The following PPFIA1 variants were observed in gnomAD, a reference collection of about 807,000 sequenced individuals.
PPFIA1 encodes the protein PPFI scaffold protein A1, also known as liprin-alpha-1.
PPFIA1 carries 25 observed loss-of-function variants against 149.9 expected under a neutral mutation model. The ratio of observed to expected loss-of-function variants is 0.17; its 90% CI spans 0.12 to 0.23. PPFIA1 has a LOEUF of 0.23. Among genes scored for constraint, PPFIA1 ranks in the 10% least tolerant of loss-of-function variants. The probability of loss-of-function intolerance (pLI) is 1.00; values close to 1 mark genes in which losing one functional copy is unlikely to be tolerated. For synonymous variants in PPFIA1, 549 were observed against 552.8 expected, an observed-to-expected ratio of 0.99 and a Z score of 0.10; for missense variants, 1,362 against 1,506.5, an observed-to-expected ratio of 0.90 and a Z score of 1.59.
intron 15 of PPFIA1, among the ~76,000 whole-genome samples, chr11:70,345,559 G>T (rs1363173143): frequency 6.6e-6 from 1 of 152,114 alleles, no homozygotes; most frequent in Non-Finnish European, 1.5e-5. Flanking sequence ...GATGGAGTCT[G>T]TTTGTTGAGA....
intron 16 of PPFIA1, among the ~76,000 whole-genome samples, chr11:70,353,983 CAG>C (rs2056216193): frequency 6.6e-6 from 1 of 152,210 alleles, no homozygotes; most frequent in African/African-American, 2.4e-5. Context: ...GCTGCCCCTT[CAG>C]AGACTGTCCT....
chr11:70,366,212 T>G (rs1165614450), intron 21 of PPFIA1, among the ~76,000 whole-genome samples: 5 of 152,198 alleles, frequency 3.3e-5, no homozygotes, highest in Non-Finnish European at 5.9e-5. Context: ...TAATATAGAT[T>G]GCTTTGTTTA....
At chr11:70,273,555 G>A (rs897310268) in intron 2 of PPFIA1, among the ~76,000 whole-genome samples, 1 of 152,180 alleles carries the variant, frequency 6.6e-6, no homozygotes, top group African/African-American at 2.4e-5. Flanking sequence ...CTCGCATGAT[G>A]GGTCTGCAGT....
At chr11:70,332,439 G>T (rs372025596) in intron 9 of PPFIA1, among the ~76,000 whole-genome samples, 1 of 151,970 alleles carries the variant, frequency 6.6e-6, no homozygotes, top group Non-Finnish European at 1.5e-5. Flanking sequence ...GGAAGATGCC[G>T]TTCTTTTAAA....
At chr11:70,333,218 T>A in intron 9 of PPFIA1, 1 of 567,582 alleles carries the variant, frequency 1.8e-6, no homozygotes, top group East Asian at 3.6e-5. Context: ...GCATAGGGGT[T>A]GGGGGGAAAA....
rs556940214 is a variant in PPFIA1 at position 70,333,271 on chromosome 11, A to G, written c.1213-199A>G. On this transcript the variant is annotated intron_variant, in intron 9 of 27. Transcript: ENST00000253925. ...GCAGCAGCCATGCTTCAGAATCACC[A>G]ACACAAGAGGGCTAGCCACCTCATG... 5.3e-5 allele frequency among the ~76,000 whole-genome samples: 8 copies of G among 152,274 alleles called. No homozygotes were observed. The South Asian group carries it at 1.0e-3, about 20-fold the overall frequency.
chr11:70,372,337 C>A lies in PPFIA1; in HGVS notation c.2988C>A (p.His996Gln). Residue 996 changes from histidine (H) to glutamine (Q), a missense_variant, in exon 22 of 28, where the codon CAC becomes CAA. Physicochemically the swap from His to Gln is conservative, Grantham distance 24. Around this residue, in one of 7 missense-constraint regions of PPFIA1, gnomAD observed 349 missense variants for 373.3 expected, o/e 0.93. Transcript: ENST00000253925. ...ECLVDARMLDHLTKKDLRGQL... is the reference protein window; with the variant it reads ...ECLVDARMLDQLTKKDLRGQL... ...TTGTAGACGCCAGGATGCTGGACCA[C>A]TTGACCAAGAAAGACCTTCGAGGGC... 1 of 1,614,214 alleles carries A rather than the reference C, an allele frequency of 6.2e-7. No homozygotes were observed. The highest frequency in any genetic ancestry group is 8.5e-7 in the Non-Finnish European group (1 of 1,180,046).
chr11:70,353,707 T>C (rs2056199242), intron 16 of PPFIA1, among the ~76,000 whole-genome samples: 1 of 152,204 alleles, frequency 6.6e-6, no homozygotes, highest in South Asian at 2.1e-4. Context: ...ATAAAAGTGC[T>C]TGAATTTATA....
intron 2 of PPFIA1, among the ~76,000 whole-genome samples, chr11:70,284,641 T>C (rs1407085316): frequency 6.6e-6 from 1 of 152,132 alleles, no homozygotes; most frequent in Admixed American, 6.5e-5. Flanking sequence ...CCAGGCACAC[T>C]GTGGTCCAGA....
intron 2 of PPFIA1, among the ~76,000 whole-genome samples, chr11:70,315,150 G>A (rs1233445933): frequency 1.3e-5 from 2 of 152,160 alleles, no homozygotes; most frequent in African/African-American, 4.8e-5. Flanking sequence ...CTTCACAGCC[G>A]TATCAGATAT....
intron 2 of PPFIA1, among the ~76,000 whole-genome samples, chr11:70,303,817 C>A (rs903160314): frequency 6.6e-6 from 1 of 152,102 alleles, no homozygotes; most frequent in Non-Finnish European, 1.5e-5. Context: ...AGCAGCCTGG[C>A]CAACATGGTG....
intron 2 of PPFIA1, among the ~76,000 whole-genome samples, chr11:70,293,555 G>A (rs1455304335): frequency 2.6e-5 from 4 of 152,226 alleles, no homozygotes; most frequent in Admixed American, 1.3e-4. Context: ...CCTTTGGCAC[G>A]TGGTAGCTGC....
chr11:70,359,064 G>A (rs1422225356), intron 19 of PPFIA1, among the ~76,000 whole-genome samples: 1 of 152,228 alleles, frequency 6.6e-6, no homozygotes, highest in Non-Finnish European at 1.5e-5. Flanking sequence ...TCTATGCTGA[G>A]CTTCCTGAGA....
chr11:70,272,106 A>G, intron 1 of PPFIA1, 67 bp from the exon 2 acceptor site: 1 of 1,509,586 alleles, frequency 6.6e-7, no homozygotes, highest in Non-Finnish European at 9.0e-7. Flanking sequence ...GATACCTGTA[A>G]AGTTGCATAT....
intron 7 of PPFIA1, among the ~76,000 whole-genome samples, chr11:70,329,160 C>T (rs956168195): frequency 2.6e-5 from 4 of 152,098 alleles, no homozygotes; most frequent in Non-Finnish European, 5.9e-5. Flanking sequence ...GAGGCCGCAC[C>T]CTGTCCTGTG....
At chr11:70,366,669 G>C (rs1035302134) in intron 21 of PPFIA1, among the ~76,000 whole-genome samples, 6 of 152,270 alleles carry the variant, frequency 3.9e-5, no homozygotes, top group Admixed American at 1.3e-4. Flanking sequence ...AGTTCTAGAG[G>C]CTTTCCCGAA....
At chr11:70,289,949 G>A (rs1222278745) in intron 2 of PPFIA1, among the ~76,000 whole-genome samples, 2 of 152,130 alleles carry the variant, frequency 1.3e-5, no homozygotes, top group Non-Finnish European at 2.9e-5. Flanking sequence ...TTATTTTTCA[G>A]CCAGGTGCAG....
intron 15 of PPFIA1, among the ~76,000 whole-genome samples, chr11:70,344,315 G>A (rs911496938): frequency 2.0e-5 from 3 of 152,228 alleles, no homozygotes; most frequent in African/African-American, 7.2e-5. Context: ...AGGTGTGCAC[G>A]GTGGTGGGCT....
At chr11:70,278,313 G>C (rs1431085739) in intron 2 of PPFIA1, among the ~76,000 whole-genome samples, 1 of 152,174 alleles carries the variant, frequency 6.6e-6, no homozygotes, top group Non-Finnish European at 1.5e-5. Flanking sequence ...TGGGATTACA[G>C]GTGTGAGCCA....
Sources: allele counts gnomAD v4.1 joint callset (sites outside exome capture counted in the v4.1 genomes callset), GRCh38; gene constraint gnomAD v4.1.1; regional missense constraint gnomAD v4.1.1; transcripts MANE v1.5; gene names NCBI Gene and HGNC (gene_info 2026-07-23, HGNC 2026-07-21).